Variants in CAPN2 observed in about 807,000 individuals in gnomAD.
CAPN2 encodes calpain 2.
A neutral mutation model predicts 102.3 loss-of-function variants in CAPN2; 92 were observed. The observed-to-expected ratio is 0.90, with a 90% CI of 0.76 to 1.07. CAPN2 has a LOEUF of 1.07. CAPN2 is among the 50% of genes least tolerant of loss of function. The pLI is 0.00. For missense variants in CAPN2, 800 were observed against 909.4 expected, an observed-to-expected ratio of 0.88 and a Z score of 1.55; for synonymous variants, 340 against 355.4, an observed-to-expected ratio of 0.96 and a Z score of 0.49.
intron 1 of CAPN2, among the ~76,000 whole-genome samples, chr1:223,715,312 C>G (rs562918953): frequency 6.6e-6 from 1 of 151,864 alleles, no homozygotes; most frequent in African/African-American, 2.4e-5. Context: ...TAAGAAGGAC[C>G]CCCGGGAAGA....
intron 16 of CAPN2, among the ~76,000 whole-genome samples, chr1:223,767,183 TATTTA>T (rs1661358533): frequency 6.7e-6 from 1 of 149,510 alleles, no homozygotes; most frequent in Admixed American, 6.6e-5. Flanking sequence ...TTTATTTATT[TATTTA>T]TTTATTTTTT....
rs1412510928 is a variant in CAPN2, at chr1:223,772,351, T to C, written c.2079+112T>C. ...AAGTTTTGCTTTAAAGAGCTCTTGG[T>C]CTGTCGGGGCCAGGCCTGTAACCGG... On this transcript the variant is annotated intron_variant, in intron 20 of 20. Transcript: ENST00000295006. The C allele has an allele frequency of 8.0e-6, 7 of 870,014 alleles. No individual in the cohort carries two copies. In the African/African-American group the frequency reaches 8.3e-5, roughly 10 times the overall value. The allele number at this position is 870,014 out of a possible 1,614,324, so 53.9% of individuals were successfully genotyped here.
intron 13 of CAPN2, 113 bp from the exon 14 acceptor site, chr1:223,762,073 C>T: frequency 1.2e-6 from 1 of 805,374 alleles, no homozygotes; most frequent in South Asian, 1.7e-5. Flanking sequence ...GAATTTGGGC[C>T]CCAGGGAGGG....
intron 2 of CAPN2, among the ~76,000 whole-genome samples, chr1:223,737,038 CA>C (rs200344078): frequency 1.3e-5 from 2 of 148,682 alleles, no homozygotes; most frequent in Non-Finnish European, 3.0e-5. Flanking sequence ...GAACCTGTCT[CA>C]AAAAAAAATA....
At chr1:223,712,451 C>T, upstream of CAPN2, 8 of 1,128,330 alleles carry the variant, frequency 7.1e-6, no homozygotes, top group Non-Finnish European at 7.6e-6. Flanking sequence ...GGGCCGGGAG[C>T]CCAGCAGGCC....
chr1:223,759,041 T>C lies in CAPN2; in HGVS notation c.1318-229T>C. ...CCCAGGCATTGTCACTGTACTGCTA[T>C]TTTTTTAAAAAAATTTTGTTGTTTT... On this transcript the variant is annotated intron_variant, in intron 11 of 20. Coordinates refer to ENST00000295006, the MANE Select transcript of CAPN2 (RefSeq NM_001748.5). The surrounding 1 kb of genome is among the most constrained non-coding windows in gnomAD (Gnocchi z 4.6). 1 of 563,014 alleles carries C rather than the reference T, an allele frequency of 1.8e-6. No individual in the cohort carries two copies. The highest frequency in any genetic ancestry group is 3.2e-6 in the Non-Finnish European group (1 of 313,884). 34.9% of individuals were successfully genotyped at this position (563,014 alleles called of 1,614,324 possible).
chr1:223,762,471 C>CTGTGTT (rs1661214577), intron 14 of CAPN2, among the ~76,000 whole-genome samples: 1 of 152,202 alleles, frequency 6.6e-6, no homozygotes, highest in Non-Finnish European at 1.5e-5. Flanking sequence ...ATGGTCAGCC[C>CTGTGTT]TGACTCTGTG....
intron 2 of CAPN2, among the ~76,000 whole-genome samples, chr1:223,735,925 G>T (rs922209839): frequency 6.6e-6 from 1 of 152,114 alleles, no homozygotes; most frequent in Non-Finnish European, 1.5e-5. Context: ...GACTACAGGC[G>T]CATGCCACCA....
chr1:223,748,978 GAGGGAGTCCGGGAGGA>G (rs1454450012), intron 5 of CAPN2, 45 bp from the exon 6 acceptor site: 3 of 1,471,886 alleles, frequency 2.0e-6, no homozygotes, highest in East Asian at 2.3e-5. Context: ...CAGAGGGAGC[GAGGGAGTCCGGGAGGA>G]AGGGAGAGCG....
intron 2 of CAPN2, among the ~76,000 whole-genome samples, chr1:223,737,709 G>A (rs1242262753): frequency 6.5e-5 from 2 of 30,566 alleles, no homozygotes; most frequent in Admixed American, 2.9e-4. Context: ...AGACGGGGCG[G>A]GGGGTGGGGG....
intron 15 of CAPN2, among the ~76,000 whole-genome samples, chr1:223,765,504 G>A (rs1661289302): frequency 6.6e-6 from 1 of 152,170 alleles, no homozygotes; most frequent in African/African-American, 2.4e-5. Context: ...CATTGTTTCT[G>A]CACAGATGGA....
intron 1 of CAPN2, among the ~76,000 whole-genome samples, chr1:223,707,250 CTCT>C (rs1438842960): frequency 5.9e-5 from 9 of 152,080 alleles, no homozygotes; most frequent in Admixed American, 5.2e-4. Context: ...CTCTCTCTCT[CTCT>C]TCTTCTCTCT....
rs1180621482 is a variant in CAPN2, at chr1:223,771,876, C to T, written c.1971C>T (p.Ile657=). ...GGTTTGCAGATGACCAGCTCATCAT[C>T]GATTTTGATAATTTTGTTCGGTGTT... ...VARFADDQLI[I]DFDNFVRCLV... The change falls in exon 19 of 21, where the codon ATC becomes ATT. Residue 657 remains isoleucine, a synonymous_variant. Coordinates refer to ENST00000295006, the MANE Select transcript of CAPN2 (RefSeq NM_001748.5). 5 of 1,614,072 alleles carry T rather than the reference C, an allele frequency of 3.1e-6. No individual in the cohort carries two copies. The highest frequency in any genetic ancestry group is 2.2e-5 in the South Asian group (2 of 91,076).
chr1:223,741,090 TA>T (rs2102793206), intron 2 of CAPN2, among the ~76,000 whole-genome samples: 1 of 152,330 alleles, frequency 6.6e-6, no homozygotes, highest in African/African-American at 2.4e-5. Flanking sequence ...GATAACATGA[TA>T]ATGTGCATAA....
At position 223,754,207 on chromosome 1, in the gene CAPN2, C is replaced by T. The variant is rs77771697; in HGVS notation, c.1135+1251C>T. ...AGATGAGGAAGCTGAGCCTCTAAGT[C>T]GCATACCAGGGCCACAGAGCAAGTA... On this transcript the variant is annotated intron_variant, in intron 9 of 20. Transcript: ENST00000295006. The surrounding 1 kb of genome is among the most constrained non-coding windows in gnomAD (Gnocchi z 4.7). Among the ~76,000 whole-genome samples the T allele has an allele frequency of 5.9e-4, 90 of 152,278 alleles. No homozygotes were observed. The highest frequency in any genetic ancestry group is 1.1e-3 in the Non-Finnish European group (76 of 68,018).
At chr1:223,770,243 T>C (rs569243717) in intron 17 of CAPN2, 24 of 596,404 alleles carry the variant, frequency 4.0e-5, no homozygotes, top group Non-Finnish European at 6.3e-5. Flanking sequence ...GGCTGGCTGA[T>C]TTGATGGGCA....
rs984845400 is a variant in CAPN2 at position 223,719,102 on chromosome 1, C to G, written c.307+1271C>G. Reference sequence around the variant, plus strand: ...AGCACATTCTTACCTGCAGAAAACACTCCTTTCATTTCTTTTCTTCTCGCC... The same window carrying G: ...AGCACATTCTTACCTGCAGAAAACAGTCCTTTCATTTCTTTTCTTCTCGCC... On this transcript the variant is annotated intron_variant, in intron 2 of 20. Transcript: ENST00000295006. Among the ~76,000 whole-genome samples the G allele has an allele frequency of 2.0e-5, 3 of 152,322 alleles. No individual in the cohort carries two copies. The East Asian group carries it at 5.8e-4, about 29-fold the overall frequency.
At chr1:223,741,566 T>C (rs1008479799) in intron 2 of CAPN2, among the ~76,000 whole-genome samples, 1 of 151,588 alleles carries the variant, frequency 6.6e-6, no homozygotes, top group Non-Finnish European at 1.5e-5. Flanking sequence ...GCGATTCTCC[T>C]GCCTCAGCCT....
In CAPN2 at chr1:223,762,283, C is replaced by G. The variant is rs529961549; in HGVS notation, c.1632+32C>G. 1.0e-4 allele frequency: 154 copies of G among 1,525,750 alleles called. 5 individuals are homozygous for G. In the South Asian group the frequency reaches 1.7e-3, roughly 17 times the overall value. The allele number at this position is 1,525,750 out of a possible 1,614,324, so 94.5% of individuals were successfully genotyped here. A position where few individuals can be genotyped will look rare whatever the true frequency, so the allele number is the denominator to read the frequency against. ...GTTCCCAAAAACGATGTTATGCACT[C>G]TGGTTGATGCAAAGGAAGAGACAGT... On this transcript the variant is annotated intron_variant, in intron 14 of 20. Coordinates refer to ENST00000295006, the MANE Select transcript of CAPN2 (RefSeq NM_001748.5).
Sources: allele counts gnomAD v4.1 joint callset (sites outside exome capture counted in the v4.1 genomes callset), GRCh38; gene constraint gnomAD v4.1.1; non-coding constraint Gnocchi (gnomAD v3.1); transcripts MANE v1.5; gene names NCBI Gene and HGNC (gene_info 2026-07-23, HGNC 2026-07-21).